FAT3: variants seen among roughly 807,000 people sequenced by gnomAD.
FAT3 encodes the protein protocadherin Fat 3.
Under a neutral mutation model 310.2 loss-of-function variants are expected in FAT3, and 95 were observed. The observed-to-expected ratio is 0.31, with a 90% CI of 0.26 to 0.36. FAT3 has a LOEUF of 0.36. Ranked by LOEUF, FAT3 falls within the 10% of genes least tolerant of loss-of-function variation. The pLI, the probability that FAT3 is intolerant of heterozygous loss-of-function variation, is 1.00. For synonymous variants in FAT3, 2,314 were observed against 2,192.9 expected, an observed-to-expected ratio of 1.06 and a Z score of -1.54; for missense variants, 5,408 against 5,715.6, an observed-to-expected ratio of 0.95 and a Z score of 1.74.
chr11:92,770,156 C>T (rs1030260912), intron 6 of FAT3, among the ~76,000 whole-genome samples: 1 of 152,168 alleles, frequency 6.6e-6, no homozygotes, highest in African/African-American at 2.4e-5. Context: ...CCTATTCTGC[C>T]CCTTTTCCCT....
At chr11:92,882,305 A>G (rs1180920088) in intron 23 of FAT3, among the ~76,000 whole-genome samples, 1 of 152,214 alleles carries the variant, frequency 6.6e-6, no homozygotes, top group African/African-American at 2.4e-5. Flanking sequence ...AGTATTTTAC[A>G]TAATGTGAAA....
At chr11:92,625,994 C>G (rs1229866238) in intron 3 of FAT3, among the ~76,000 whole-genome samples, 1 of 152,102 alleles carries the variant, frequency 6.6e-6, no homozygotes, top group Admixed American at 6.5e-5. Flanking sequence ...ACAGATAACT[C>G]CTTGTTTTCA....
chr11:92,325,792 C>T (rs1591111265), intron 1 of FAT3, among the ~76,000 whole-genome samples: 1 of 152,108 alleles, frequency 6.6e-6, no homozygotes, highest in East Asian at 1.9e-4. Context: ...TCACCACGCC[C>T]AGCTAATTTT....
At chr11:92,666,412 C>T (rs1029006426) in intron 3 of FAT3, among the ~76,000 whole-genome samples, 6 of 148,426 alleles carry the variant, frequency 4.0e-5, no homozygotes, top group Non-Finnish European at 8.9e-5. Context: ...AGTGCAGTGG[C>T]CTGATCTCTG....
At chr11:92,623,430 T>G (rs1179852309) in intron 3 of FAT3, among the ~76,000 whole-genome samples, 1 of 152,224 alleles carries the variant, frequency 6.6e-6, no homozygotes, top group Non-Finnish European at 1.5e-5. Flanking sequence ...TTGAATTGAC[T>G]TGAGGAACTG....
At chr11:92,857,438 A>C in intron 20 of FAT3, 90 bp downstream of exon 20, 1 of 1,559,598 alleles carries the variant, frequency 6.4e-7, no homozygotes, top group Non-Finnish European at 8.7e-7. Context: ...GTCCTCCCAG[A>C]AAACGTTTCT....
intron 3 of FAT3, among the ~76,000 whole-genome samples, chr11:92,608,259 G>A (rs1940396342): frequency 6.6e-6 from 1 of 152,070 alleles, no homozygotes; most frequent in South Asian, 2.1e-4. Flanking sequence ...TCCATTTCTA[G>A]TGAGTTGTTT....
chr11:92,397,514 C>A (rs1367488384), intron 2 of FAT3, among the ~76,000 whole-genome samples: 1 of 152,130 alleles, frequency 6.6e-6, no homozygotes, highest in African/African-American at 2.4e-5. Context: ...TGGGTTAAAT[C>A]ACTTTTACTT....
At chr11:92,792,449 G>A (rs10830947) in intron 8 of FAT3, among the ~76,000 whole-genome samples, 49,789 of 151,958 alleles carry the variant, frequency 0.33, 8,424 homozygotes, top group Non-Finnish European at 0.35. Flanking sequence ...TAAGGGGGAG[G>A]CCACTATATG....
chr11:92,653,430 A>T (rs1027249331), intron 3 of FAT3, among the ~76,000 whole-genome samples: 2 of 152,130 alleles, frequency 1.3e-5, no homozygotes, highest in African/African-American at 4.8e-5. Flanking sequence ...CTCGAAGCTG[A>T]TAGATAAGCT....
chr11:92,520,492 A>C (rs956733223), intron 2 of FAT3, among the ~76,000 whole-genome samples: 2 of 152,106 alleles, frequency 1.3e-5, no homozygotes, highest in African/African-American at 2.4e-5. Context: ...AAATACCTCA[A>C]TTTTTAAAAA....
intron 22 of FAT3, among the ~76,000 whole-genome samples, chr11:92,876,274 T>G (rs1454662010): frequency 6.6e-6 from 1 of 152,226 alleles, no homozygotes; most frequent in Non-Finnish European, 1.5e-5. Context: ...CAAGTTACTG[T>G]TTGTCTAAAG....
intron 2 of FAT3, among the ~76,000 whole-genome samples, chr11:92,369,939 G>A (rs546531885): frequency 6.6e-6 from 1 of 152,236 alleles, no homozygotes; most frequent in South Asian, 2.1e-4. Context: ...TGAAAGAATT[G>A]CATTTTTTCT....
At chr11:92,384,710 T>G (rs1397039294) in intron 2 of FAT3, among the ~76,000 whole-genome samples, 1 of 152,208 alleles carries the variant, frequency 6.6e-6, no homozygotes, top group African/African-American at 2.4e-5. Flanking sequence ...GCAAATTAAT[T>G]ACATTCAAAA....
chr11:92,324,575 A>G (rs1415513344), intron 1 of FAT3, among the ~76,000 whole-genome samples: 5 of 152,220 alleles, frequency 3.3e-5, no homozygotes, highest in Non-Finnish European at 7.3e-5. Flanking sequence ...CAATTACAAT[A>G]GTAACATCAG....
intron 10 of FAT3, 59 bp from the exon 11 acceptor site, chr11:92,805,094 T>C (rs1947466084): frequency 1.0e-5 from 16 of 1,551,410 alleles, no homozygotes; most frequent in Non-Finnish European, 1.3e-5. Context: ...TCAAGGTAGA[T>C]GTAGATTAAG....
chr11:92,310,821 A>G (rs1166885711), intron 1 of FAT3, among the ~76,000 whole-genome samples: 1 of 151,976 alleles, frequency 6.6e-6, no homozygotes, highest in African/African-American at 2.4e-5. Context: ...GAGTAGTTTC[A>G]TGGATAAATT....
At position 92,225,029 on chromosome 11, in the gene FAT3, G is replaced by T. The variant is rs917174285; in HGVS notation, c.-163G>T. On this transcript the variant is annotated 5_prime_UTR_variant, in exon 1 of 28. Coordinates refer to ENST00000525166, the MANE Select transcript of FAT3 (RefSeq NM_001367949.2). ...CGAGCGCAGAGCGCTTCTGCTCGCGGCCTCAGTCCCGGCTAGCGCGCGGTG... is the reference window on the plus strand; with the variant it reads ...CGAGCGCAGAGCGCTTCTGCTCGCGTCCTCAGTCCCGGCTAGCGCGCGGTG... 2.0e-5 allele frequency among the ~76,000 whole-genome samples: 3 copies of T among 152,226 alleles called. No individual in the cohort carries two copies. The highest frequency in any genetic ancestry group is 2.0e-4 in the Admixed American group (3 of 15,306).
intron 4 of FAT3, among the ~76,000 whole-genome samples, chr11:92,734,045 T>G (rs559403495): frequency 6.6e-6 from 1 of 152,226 alleles, no homozygotes; most frequent in African/African-American, 2.4e-5. Flanking sequence ...TCTGTTATGA[T>G]AAATTGGCAC....
Sources: allele counts gnomAD v4.1 joint callset (sites outside exome capture counted in the v4.1 genomes callset), GRCh38; gene constraint gnomAD v4.1.1; transcripts MANE v1.5; gene names NCBI Gene and HGNC (gene_info 2026-07-23, HGNC 2026-07-21).